The following ZFAND6 variants were observed in gnomAD, a reference collection of about 807,000 sequenced individuals.
ZFAND6 encodes zinc finger AN1-type containing 6.
In ZFAND6, 12 loss-of-function variants were observed where a neutral mutation model predicts 24.5. That is an observed-to-expected ratio of 0.49 (90% CI 0.31 to 0.79). ZFAND6 has a LOEUF of 0.79. ZFAND6 is among the 30% of genes least tolerant of loss of function. ZFAND6 has a pLI of 0.04. For missense variants in ZFAND6, 207 were observed against 245.9 expected (o/e 0.84, Z 1.06); for synonymous variants, 92 against 81.5 (o/e 1.13, Z -0.69).
At chr15:80,120,669 T>G in intron 3 of ZFAND6, 171 bp downstream of exon 3, 2 of 439,488 alleles carry the variant, frequency 4.6e-6, no homozygotes, top group Non-Finnish European at 7.4e-6. Context: ...GAGTTAGGAA[T>G]GAGTATCATC....
At position 80,132,813 on chromosome 15, in the gene ZFAND6, A is replaced by G. The variant is rs529389027; in HGVS notation, c.478+1520A>G. The stretch of plus-strand genomic sequence containing the variant: ...AAGAAGAAGAGAAAAGTCTGACATT[A>G]CAAGAAAAAGTTGAATTGCTTGGTA... On this transcript the variant is annotated intron_variant, in intron 6 of 6. Coordinates refer to ENST00000261749, the MANE Select transcript of ZFAND6 (RefSeq NM_019006.4). 7.2e-5 allele frequency among the ~76,000 whole-genome samples: 11 copies of G among 152,316 alleles called. No homozygotes were observed. In the East Asian group the frequency reaches 2.1e-3, roughly 29 times the overall value.
chr15:80,061,228 G>T (rs1596161365), intron 1 of ZFAND6, among the ~76,000 whole-genome samples: 1 of 152,336 alleles, frequency 6.6e-6, no homozygotes, highest in East Asian at 1.9e-4. Context: ...ATGTGCAGGA[G>T]AAAATACAGG....
At position 80,137,583 on chromosome 15, in the gene ZFAND6, A is replaced by G; in HGVS notation, c.582A>G (p.Arg194=). 1.2e-6 allele frequency: 2 copies of G among 1,607,348 alleles called. No homozygotes were observed. The highest frequency in any genetic ancestry group is 3.3e-4 in the Middle Eastern group (2 of 6,032). The change falls in exon 7 of 7, where the codon AGA becomes AGG. Residue 194 remains arginine, a synonymous_variant. Coordinates refer to ENST00000261749, the MANE Select transcript of ZFAND6 (RefSeq NM_019006.4). ...AAGCCGATGCTGCTGAGAAAATCAG[A>G]AAAGAAAATCCAGTAGTTGTTGGTG... ...NYKADAAEKI[R]KENPVVVGEK... is the part of the protein sequence containing the mutation.
At chr15:80,095,573 A>G (rs774583660) in intron 1 of ZFAND6, among the ~76,000 whole-genome samples, 1 of 152,226 alleles carries the variant, frequency 6.6e-6, no homozygotes, top group Non-Finnish European at 1.5e-5. Flanking sequence ...ACTAGATGGT[A>G]ATAATTCAGA....
intron 1 of ZFAND6, among the ~76,000 whole-genome samples, chr15:80,064,385 CT>C (rs1300222140): frequency 3.3e-5 from 5 of 152,226 alleles, no homozygotes; most frequent in African/African-American, 1.2e-4. Context: ...TCCATCTTTC[CT>C]TCCCTTTCTA....
chr15:80,064,443 C>T (rs2036500981), intron 1 of ZFAND6, among the ~76,000 whole-genome samples: 1 of 152,008 alleles, frequency 6.6e-6, no homozygotes, highest in Non-Finnish European at 1.5e-5. Flanking sequence ...GGTAAATAAA[C>T]CTGGATATTG....
chr15:80,123,940 A>T (rs2040259244), intron 5 of ZFAND6, among the ~76,000 whole-genome samples: 1 of 152,158 alleles, frequency 6.6e-6, no homozygotes, highest in Admixed American at 6.5e-5. Context: ...CTTTTTTTTC[A>T]TACCCAGCAA....
intron 1 of ZFAND6, among the ~76,000 whole-genome samples, chr15:80,095,816 T>C (rs2038688047): frequency 6.6e-6 from 1 of 152,190 alleles, no homozygotes; most frequent in African/African-American, 2.4e-5. Context: ...ATGTGTTCTT[T>C]TTTGTCTTTT....
chr15:80,089,324 G>T (rs1049442807), intron 1 of ZFAND6, among the ~76,000 whole-genome samples: 1 of 126,776 alleles, frequency 7.9e-6, no homozygotes, highest in Admixed American at 1.0e-4. Context: ...GCAGTGGCAC[G>T]ATCTCCTCAC....
chr15:80,115,931 T>A (rs1458526115), intron 2 of ZFAND6, among the ~76,000 whole-genome samples: 1 of 152,200 alleles, frequency 6.6e-6, no homozygotes, highest in Non-Finnish European at 1.5e-5. Flanking sequence ...TTTTACTGTT[T>A]GGTTGCTAGC....
intron 2 of ZFAND6, among the ~76,000 whole-genome samples, chr15:80,116,291 T>C (rs1285074235): frequency 6.6e-6 from 1 of 152,228 alleles, no homozygotes; most frequent in Non-Finnish European, 1.5e-5. Context: ...GCACGTTTTA[T>C]AAGCAGTGGA....
intron 2 of ZFAND6, among the ~76,000 whole-genome samples, chr15:80,107,217 A>G (rs910809602): frequency 1.3e-5 from 2 of 151,494 alleles, no homozygotes; most frequent in Non-Finnish European, 2.9e-5. Context: ...TTCCGTGTCA[A>G]AAAAAAAATA....
chr15:80,073,452 C>A (rs1222306190), intron 1 of ZFAND6: 1 of 179,038 alleles, frequency 5.6e-6, no homozygotes, highest in African/African-American at 2.4e-5. Context: ...TATATTGTTG[C>A]TCTTTGTTCT....
chr15:80,107,880 G>C (rs1403802949), intron 2 of ZFAND6, among the ~76,000 whole-genome samples: 1 of 151,256 alleles, frequency 6.6e-6, no homozygotes, highest in African/African-American at 2.4e-5. Context: ...GGAGGGCAGC[G>C]GGGAGGGGGA....
At chr15:80,099,666 G>A (rs1596261541) in intron 2 of ZFAND6, among the ~76,000 whole-genome samples, 1 of 124,984 alleles carries the variant, frequency 8.0e-6, no homozygotes, top group East Asian at 2.4e-4. Context: ...CGCCCAGGCT[G>A]GAGGCAGTGG....
chr15:80,120,658 G>A, intron 3 of ZFAND6, 160 bp downstream of exon 3: 2 of 501,260 alleles, frequency 4.0e-6, no homozygotes, highest in East Asian at 3.7e-5. Context: ...TCAGTAGTGA[G>A]GAGTTAGGAA....
chr15:80,088,863 AGGGCT>A (rs1451999075), intron 1 of ZFAND6, among the ~76,000 whole-genome samples: 7 of 152,194 alleles, frequency 4.6e-5, no homozygotes, highest in Non-Finnish European at 1.0e-4. Context: ...GTAGTTCCAC[AGGGCT>A]GGTGGCTACT....
chr15:80,131,140 A>G, intron 5 of ZFAND6, 40 bp from the exon 6 acceptor site: 1 of 1,482,182 alleles, frequency 6.7e-7, no homozygotes, highest in Non-Finnish European at 9.1e-7. Flanking sequence ...GCAAAATCTT[A>G]CAGAATAATT....
intron 2 of ZFAND6, among the ~76,000 whole-genome samples, chr15:80,107,484 T>C (rs973207595): frequency 1.3e-5 from 2 of 152,186 alleles, no homozygotes; most frequent in Non-Finnish European, 2.9e-5. Flanking sequence ...ACACTGCCAA[T>C]GCAAATGTCA....
Sources: gnomAD v4.1 joint callset for allele counts (sites outside exome capture counted in the v4.1 genomes callset) on GRCh38, gnomAD v4.1.1 for gene constraint, MANE v1.5 for transcripts, NCBI Gene and HGNC (gene_info 2026-07-23, HGNC 2026-07-21) for gene names.